IKBKB: variants seen among roughly 807,000 people sequenced by gnomAD.
IKBKB encodes the protein inhibitor of nuclear factor kappa-B kinase subunit beta.
A neutral mutation model predicts 113.6 loss-of-function variants in IKBKB; 42 were observed. That is an observed-to-expected ratio of 0.37 (90% CI 0.29 to 0.48). The LOEUF (loss-of-function observed/expected upper bound fraction) is 0.48, where lower values mean the gene tolerates loss of function less well. Ranked by LOEUF, IKBKB falls within the 20% of genes least tolerant of loss-of-function variation. The pLI, the probability that IKBKB is intolerant of heterozygous loss-of-function variation, is 0.99. For synonymous variants in IKBKB, 296 were observed against 361.3 expected (o/e 0.82, Z 2.05); for missense variants, 673 against 939.7 (o/e 0.72, Z 3.71).
chr8:42,325,738 G>T, intron 19 of IKBKB: 1 of 1,327,828 alleles, frequency 7.5e-7, no homozygotes, highest in East Asian at 3.3e-5. Context: ...AGGCACCCAG[G>T]TCTCCTTAAA....
intron 12 of IKBKB, among the ~76,000 whole-genome samples, chr8:42,318,304 A>G (rs1280870631): frequency 6.6e-6 from 1 of 152,076 alleles, no homozygotes; most frequent in African/African-American, 2.4e-5. Flanking sequence ...ATGGCCCTAT[A>G]TACATATGTG....
intron 13 of IKBKB, 171 bp downstream of exon 13, chr8:42,318,846 C>G: frequency 3.2e-6 from 2 of 621,974 alleles, no homozygotes; most frequent in Non-Finnish European, 5.4e-6. Context: ...CTGACGGAGG[C>G]CCCTTTAGAC....
Position 42,330,264 on chromosome 8 carries a change from C to T in IKBKB, c.2206-650C>T, listed in dbSNP as rs537747932. The T allele has an allele frequency of 4.3e-5, 42 of 984,486 alleles. No homozygotes were observed. The African/African-American group carries it at 7.2e-4, about 17-fold the overall frequency. The allele number at this position is 984,486 out of a possible 1,614,324, so 61.0% of individuals were successfully genotyped here. On this transcript the variant is annotated intron_variant, in intron 21 of 21. Transcript: ENST00000520810. ...GCCAATTCAAAGAAAAGATCCTGTA[C>T]AGTTTGAATATGTAACTTAGCTTAA...
At chr8:42,278,050 A>G (rs1809540492) in intron 2 of IKBKB, among the ~76,000 whole-genome samples, 2 of 152,238 alleles carry the variant, frequency 1.3e-5, no homozygotes, top group South Asian at 4.1e-4. Context: ...AGAAGGACCC[A>G]GTGCACTGAG....
At chr8:42,296,170 A>G (rs957241844) in intron 5 of IKBKB, among the ~76,000 whole-genome samples, 2 of 152,264 alleles carry the variant, frequency 1.3e-5, no homozygotes, top group African/African-American at 4.8e-5. Context: ...TTCAGCATCT[A>G]GAATAGCAGT....
chr8:42,306,924 CTCAT>C (rs2130539657), intron 7 of IKBKB, among the ~76,000 whole-genome samples: 1 of 152,328 alleles, frequency 6.6e-6, no homozygotes, highest in East Asian at 1.9e-4. Context: ...GTTTGAGTCA[CTCAT>C]TCATTCAAGC....
chr8:42,305,605 G>A (rs1443273504), intron 6 of IKBKB, among the ~76,000 whole-genome samples: 1 of 152,114 alleles, frequency 6.6e-6, no homozygotes, highest in African/African-American at 2.4e-5. Flanking sequence ...TAAGAGCCTC[G>A]CCTCTCGACT....
Position 42,331,344 on chromosome 8 carries a change from A to G in IKBKB, c.*365A>G. 1 of 702,878 alleles carries G rather than the reference A, an allele frequency of 1.4e-6. No homozygotes were observed. The highest frequency in any genetic ancestry group is 2.6e-6 in the Non-Finnish European group (1 of 385,008). The allele number at this position is 702,878 out of a possible 1,614,324, so 43.5% of individuals were successfully genotyped here. ...GCAGCTCCTTCCTCTGCCGTGAGAA[A>G]AGTGCTTGGAGTACGGTTTGCCACA... is the stretch of plus-strand genomic sequence containing the variant. On this transcript the variant is annotated 3_prime_UTR_variant, in exon 22 of 22. Transcript: ENST00000520810.
chr8:42,298,843 C>G (rs186896220), intron 5 of IKBKB, among the ~76,000 whole-genome samples: 1 of 152,296 alleles, frequency 6.6e-6, no homozygotes, highest in East Asian at 1.9e-4. Flanking sequence ...CCCGGGACAT[C>G]TCTGACATCC....
At chr8:42,290,095 G>A in intron 3 of IKBKB, 61 bp from the exon 4 acceptor site, 1 of 1,126,524 alleles carries the variant, frequency 8.9e-7, no homozygotes, top group Non-Finnish European at 1.3e-6. Context: ...CCTGGTGGGG[G>A]TGGTGGGGAT....
chr8:42,293,652 C>T, intron 5 of IKBKB, 140 bp downstream of exon 5: 1 of 1,467,998 alleles, frequency 6.8e-7, no homozygotes, highest in Non-Finnish European at 9.3e-7. Flanking sequence ...GGACGGGGGA[C>T]CCTGGTGGAG....
intron 12 of IKBKB, 85 bp from the exon 13 acceptor site, chr8:42,318,467 C>A: frequency 6.8e-7 from 1 of 1,473,374 alleles, no homozygotes; most frequent in Non-Finnish European, 9.3e-7. Context: ...GTGAAAGTGC[C>A]AGTAGTGTCG....
chr8:42,281,445 G>A (rs745600803), intron 2 of IKBKB, among the ~76,000 whole-genome samples: 2 of 152,200 alleles, frequency 1.3e-5, no homozygotes, highest in Non-Finnish European at 2.9e-5. Flanking sequence ...TTTACCAGGC[G>A]GTGGGGGAGG....
intron 3 of IKBKB, 146 bp from the exon 4 acceptor site, chr8:42,290,010 G>A (rs1267985690): frequency 1.5e-5 from 9 of 606,050 alleles, no homozygotes; most frequent in East Asian, 5.6e-5. Context: ...CAGGCATTGC[G>A]GTTGGCCACC....
chr8:42,289,718 G>T (rs1812176482), intron 3 of IKBKB, among the ~76,000 whole-genome samples: 1 of 152,052 alleles, frequency 6.6e-6, no homozygotes, highest in Non-Finnish European at 1.5e-5. Flanking sequence ...GTCCACCTTG[G>T]GGTGATGTGT....
At chr8:42,329,645 C>T in intron 21 of IKBKB, 1 of 985,154 alleles carries the variant, frequency 1.0e-6, no homozygotes, top group African/African-American at 1.7e-5. Flanking sequence ...AAGAAGGTAG[C>T]ATTGTTCCCA....
rs1475577195 is a variant in IKBKB, at chr8:42,308,798, C to T, written c.568-103C>T. The T allele has an allele frequency of 4.4e-6, 5 of 1,144,376 alleles. No homozygotes were observed. In the African/African-American group the frequency reaches 6.1e-5, roughly 14 times the overall value. 70.9% of individuals were successfully genotyped at this position (1,144,376 alleles called of 1,614,324 possible). ...CCCTGCATGCATGTGCCAGTGCCCT[C>T]TAGGATGAAGCCAGGGGTGAAAGCA... On this transcript the variant is annotated intron_variant, in intron 7 of 21. Coordinates refer to ENST00000520810, the MANE Select transcript of IKBKB (RefSeq NM_001556.3).
rs182711318 is a variant in IKBKB, at chr8:42,328,511, A to C, written c.2115-613A>C. 3.2e-4 allele frequency among the ~76,000 whole-genome samples: 48 copies of C among 152,150 alleles called. 1 individual carries two copies. The highest frequency in any genetic ancestry group is 1.0e-3 in the African/African-American group (42 of 41,434). On this transcript the variant is annotated intron_variant, in intron 20 of 21. Coordinates refer to ENST00000520810, the MANE Select transcript of IKBKB (RefSeq NM_001556.3). ...TTATTCCCTTCAGTGATGTCCTCAA[A>C]GGTCTAGAAAGGTGGACCTGGGTAT...
intron 5 of IKBKB, among the ~76,000 whole-genome samples, chr8:42,296,647 C>G (rs1230421708): frequency 1.6e-5 from 2 of 128,042 alleles, no homozygotes; most frequent in Non-Finnish European, 3.0e-5. Flanking sequence ...GAAACTCCAT[C>G]TCAAAAAAAA....
Sources: allele counts gnomAD v4.1 joint callset (sites outside exome capture counted in the v4.1 genomes callset), GRCh38; gene constraint gnomAD v4.1.1; transcripts MANE v1.5; gene names NCBI Gene and HGNC (gene_info 2026-07-23, HGNC 2026-07-21).